The following VTI1A variants were observed in gnomAD, a reference collection of about 807,000 sequenced individuals.
The protein encoded by VTI1A is vesicle transport through interaction with t-SNAREs homolog 1A.
VTI1A carries 22 observed loss-of-function variants against 34.9 expected under a neutral mutation model. That is an observed-to-expected ratio of 0.63 (90% CI 0.45 to 0.90). The LOEUF (loss-of-function observed/expected upper bound fraction) is 0.90, where lower values mean the gene tolerates loss of function less well. VTI1A is among the 40% of genes least tolerant of loss of function. The pLI, the probability that VTI1A is intolerant of heterozygous loss-of-function variation, is 0.00. For synonymous variants in VTI1A, 87 were observed against 97.3 expected, an observed-to-expected ratio of 0.89 and a Z score of 0.62; for missense variants, 268 against 275.6, an observed-to-expected ratio of 0.97 and a Z score of 0.20.
At chr10:112,739,414 G>A (rs141741191) in intron 7 of VTI1A, among the ~76,000 whole-genome samples, 1 of 152,244 alleles carries the variant, frequency 6.6e-6, no homozygotes, top group Non-Finnish European at 1.5e-5. Flanking sequence ...ACATGCTAAT[G>A]GTGGTTATTT....
chr10:112,478,420 T>C (rs1848351266), intron 3 of VTI1A, among the ~76,000 whole-genome samples: 4 of 152,238 alleles, frequency 2.6e-5, no homozygotes, highest in African/African-American at 9.6e-5. Flanking sequence ...GACTTTCCTG[T>C]GAACAAGTGG....
In VTI1A at chr10:112,611,737, A is replaced by AT. The variant is rs3057346; in HGVS notation, c.428-56459dup. On this transcript the variant is annotated intron_variant, in intron 5 of 7. Coordinates refer to ENST00000393077, the MANE Select transcript of VTI1A (RefSeq NM_145206.4). ...TAAAGCCCATTTGGTGAGAAAGGTAATTTTTTTTTTTTTTTTTTTTTTGTG... is the reference window on the plus strand; with the variant it reads ...TAAAGCCCATTTGGTGAGAAAGGTAATTTTTTTTTTTTTTTTTTTTTTTGTG... Among the ~76,000 whole-genome samples the AT allele has an allele frequency of 9.4e-3, 943 of 100,772 alleles. 37 individuals carry two copies. The highest frequency in any genetic ancestry group is 0.019 in the Middle Eastern group (3 of 160). The allele number at this position is 100,772 out of a possible 152,430, so 66.1% of individuals were successfully genotyped here.
intron 3 of VTI1A, among the ~76,000 whole-genome samples, chr10:112,493,501 A>G (rs1044261515): frequency 2.0e-5 from 3 of 152,126 alleles, no homozygotes; most frequent in Admixed American, 2.0e-4. Flanking sequence ...CTACACACTG[A>G]TATAATACTG....
At chr10:112,476,111 A>G (rs750639782) in intron 3 of VTI1A, among the ~76,000 whole-genome samples, 4 of 152,228 alleles carry the variant, frequency 2.6e-5, no homozygotes, top group Non-Finnish European at 5.9e-5. Context: ...TTAAAAATTA[A>G]TGGAAAAATG....
intron 3 of VTI1A, among the ~76,000 whole-genome samples, chr10:112,506,901 T>G (rs1000545622): frequency 6.6e-6 from 1 of 152,084 alleles, no homozygotes. Flanking sequence ...GTTTGACAAT[T>G]TCTTTGTCTT....
intron 5 of VTI1A, among the ~76,000 whole-genome samples, chr10:112,588,219 G>A (rs1166349537): frequency 1.3e-5 from 2 of 152,088 alleles, no homozygotes; most frequent in African/African-American, 4.8e-5. Context: ...GAAAATCTAA[G>A]TGGCCTAGAG....
intron 7 of VTI1A, among the ~76,000 whole-genome samples, chr10:112,811,538 G>C (rs12356770): frequency 6.6e-6 from 1 of 151,922 alleles, no homozygotes; most frequent in Non-Finnish European, 1.5e-5. Context: ...AAAAAAATTA[G>C]CCGGGCGTGG....
intron 1 of VTI1A, among the ~76,000 whole-genome samples, chr10:112,456,457 C>T (rs1589788128): frequency 6.7e-6 from 1 of 150,094 alleles, no homozygotes; most frequent in South Asian, 2.1e-4. Context: ...AACTGTAGAA[C>T]CTAATTTTTA....
At chr10:112,794,720 C>A (rs922935310) in intron 7 of VTI1A, among the ~76,000 whole-genome samples, 2 of 152,072 alleles carry the variant, frequency 1.3e-5, no homozygotes, top group African/African-American at 4.8e-5. Flanking sequence ...CTATTTGTAA[C>A]CCTTGCTTTT....
At chr10:112,547,832 C>T (rs993753717) in intron 5 of VTI1A, among the ~76,000 whole-genome samples, 1 of 152,030 alleles carries the variant, frequency 6.6e-6, no homozygotes, top group Admixed American at 6.5e-5. Context: ...GTGTACACCA[C>T]TTTGTTTGTT....
chr10:112,519,046 A>G (rs1322318360), intron 3 of VTI1A, among the ~76,000 whole-genome samples: 2 of 152,090 alleles, frequency 1.3e-5, no homozygotes, highest in African/African-American at 4.8e-5. Flanking sequence ...ATTAAAAGAC[A>G]TTGTATATCT....
At chr10:112,744,787 A>G (rs917314988) in intron 7 of VTI1A, among the ~76,000 whole-genome samples, 8 of 152,098 alleles carry the variant, frequency 5.3e-5, no homozygotes, top group Admixed American at 2.0e-4. Flanking sequence ...GTGCATCGAC[A>G]TCCCTCCCTG....
At chr10:112,747,355 C>T (rs546368708) in intron 7 of VTI1A, among the ~76,000 whole-genome samples, 2 of 152,338 alleles carry the variant, frequency 1.3e-5, no homozygotes, top group South Asian at 2.1e-4. Context: ...TGTGCTTACA[C>T]AAACCTAGAT....
intron 5 of VTI1A, among the ~76,000 whole-genome samples, chr10:112,544,311 A>G (rs1048902630): frequency 3.3e-5 from 5 of 152,110 alleles, no homozygotes; most frequent in South Asian, 2.1e-4. Flanking sequence ...GCTCACTGCA[A>G]TGTCCACCTC....
chr10:112,759,413 A>T (rs563492995), intron 7 of VTI1A, among the ~76,000 whole-genome samples: 2 of 152,210 alleles, frequency 1.3e-5, no homozygotes, highest in African/African-American at 4.8e-5. Flanking sequence ...CTGTTGAAGT[A>T]TCATGTTTTG....
At chr10:112,689,698 A>G (rs2133876736) in intron 7 of VTI1A, among the ~76,000 whole-genome samples, 1 of 152,140 alleles carries the variant, frequency 6.6e-6, no homozygotes, top group South Asian at 2.1e-4. Context: ...TGAAAACTGG[A>G]AGTCTGTGGG....
intron 5 of VTI1A, among the ~76,000 whole-genome samples, chr10:112,664,162 G>C (rs1847561206): frequency 6.6e-6 from 1 of 152,088 alleles, no homozygotes; most frequent in South Asian, 2.1e-4. Flanking sequence ...AATAAATATA[G>C]GTGTGCTGAG....
intron 5 of VTI1A, among the ~76,000 whole-genome samples, chr10:112,643,151 A>ATT (rs200015635): frequency 2.4e-5 from 3 of 123,454 alleles, no homozygotes; most frequent in Non-Finnish European, 3.4e-5. Flanking sequence ...CACCTGGCTA[A>ATT]TTTTTTTTTT....
chr10:112,531,768 G>T (rs562481837), intron 4 of VTI1A, among the ~76,000 whole-genome samples: 1 of 152,112 alleles, frequency 6.6e-6, no homozygotes, highest in Non-Finnish European at 1.5e-5. Context: ...AGAAAAGATC[G>T]CTGGCCGATC....
Sources: gnomAD v4.1 joint callset for allele counts (sites outside exome capture counted in the v4.1 genomes callset) on GRCh38, gnomAD v4.1.1 for gene constraint, MANE v1.5 for transcripts, NCBI Gene and HGNC (gene_info 2026-07-23, HGNC 2026-07-21) for gene names.